The following ABLIM3 variants were observed in gnomAD, a reference collection of about 807,000 sequenced individuals.
The protein encoded by ABLIM3 is actin-binding LIM protein 3.
In ABLIM3, 61 loss-of-function variants were observed where a neutral mutation model predicts 109.5. That is an observed-to-expected ratio of 0.56 (90% CI 0.45 to 0.69). The LOEUF (loss-of-function observed/expected upper bound fraction) is 0.69. Among genes scored for constraint, ABLIM3 ranks in the 30% least tolerant of loss-of-function variants. ABLIM3 has a pLI of 0.00. For missense variants in ABLIM3, 796 were observed against 889.5 expected, an observed-to-expected ratio of 0.89 and a Z score of 1.34; for synonymous variants, 300 against 324.8, an observed-to-expected ratio of 0.92 and a Z score of 0.82.
chr5:149,247,683 T>C (rs1417539856), intron 17 of ABLIM3, 99 bp from the exon 18 acceptor site: 1 of 1,480,450 alleles, frequency 6.8e-7, no homozygotes, highest in Non-Finnish European at 9.4e-7. Context: ...GAGAGCAGGC[T>C]GCTATGGAGG....
intron 2 of ABLIM3, among the ~76,000 whole-genome samples, chr5:149,166,922 C>G (rs1754892028): frequency 6.6e-6 from 1 of 152,174 alleles, no homozygotes. Context: ...AGAATTGTCC[C>G]TGAGCCATAG....
At chr5:149,170,043 C>A (rs1755229248) in intron 2 of ABLIM3, among the ~76,000 whole-genome samples, 1 of 152,072 alleles carries the variant, frequency 6.6e-6, no homozygotes, top group African/African-American at 2.4e-5. Context: ...AAATTTGCGT[C>A]ATGGGGGTTC....
At chr5:149,173,879 G>A (rs937346429) in intron 2 of ABLIM3, among the ~76,000 whole-genome samples, 18 of 152,084 alleles carry the variant, frequency 1.2e-4, no homozygotes, top group Non-Finnish European at 1.9e-4. Flanking sequence ...AAAATTAGCC[G>A]GACGTCGTGG....
chr5:149,223,133 T>TA lies in ABLIM3; in HGVS notation c.757+6088dup, dbSNP rs553056829. On this transcript the variant is annotated intron_variant, in intron 8 of 23. Coordinates refer to ENST00000309868, the MANE Select transcript of ABLIM3 (RefSeq NM_014945.5). The stretch of plus-strand genomic sequence containing the variant: ...TTTGGCGAGCTGCCATTTTTTTTTT[T>TA]ATTTAGATTTTAAGGGTTACCAAGC... 3.0e-3 allele frequency among the ~76,000 whole-genome samples: 453 copies of TA among 151,912 alleles called. 7 individuals carry two copies. Among genetic ancestry groups the TA allele is most frequent in the Non-Finnish European group, 3.8e-3 (255 of 67,996 alleles).
At chr5:149,147,162 G>A (rs1580976438) in intron 2 of ABLIM3, among the ~76,000 whole-genome samples, 1 of 151,582 alleles carries the variant, frequency 6.6e-6, no homozygotes, top group East Asian at 1.9e-4. Context: ...ATGGGATTAT[G>A]TTCTTGATTT....
intron 3 of ABLIM3, among the ~76,000 whole-genome samples, chr5:149,189,326 C>T (rs1192525917): frequency 1.3e-5 from 2 of 152,012 alleles, no homozygotes. Flanking sequence ...ACACCAAAAG[C>T]TCAAGCAACA....
intron 2 of ABLIM3, among the ~76,000 whole-genome samples, chr5:149,179,128 G>C (rs1756237390): frequency 6.6e-6 from 1 of 152,070 alleles, no homozygotes; most frequent in Non-Finnish European, 1.5e-5. Flanking sequence ...ATGTTGTTTT[G>C]CTCCAACAAC....
chr5:149,143,467 C>G (rs1752667901), intron 2 of ABLIM3, among the ~76,000 whole-genome samples: 1 of 151,796 alleles, frequency 6.6e-6, no homozygotes, highest in Non-Finnish European at 1.5e-5. Flanking sequence ...ACTATCAAGA[C>G]CTTATTGAAG....
intron 23 of ABLIM3, among the ~76,000 whole-genome samples, chr5:149,257,650 CT>C (rs1754553325): frequency 6.6e-6 from 1 of 152,130 alleles, no homozygotes; most frequent in South Asian, 2.1e-4. Flanking sequence ...ATGTATCACA[CT>C]TTTAAAGCTG....
At chr5:149,182,207 T>C (rs1756528852) in intron 2 of ABLIM3, among the ~76,000 whole-genome samples, 1 of 152,242 alleles carries the variant, frequency 6.6e-6, no homozygotes, top group South Asian at 2.1e-4. Context: ...GATTAATTTA[T>C]GATATACTTA....
chr5:149,200,881 T>C (rs909147194), intron 5 of ABLIM3, among the ~76,000 whole-genome samples: 8 of 152,168 alleles, frequency 5.3e-5, no homozygotes, highest in African/African-American at 1.7e-4. Context: ...GAGTGTTCCA[T>C]AGACCACTGC....
At chr5:149,156,483 C>A (rs1382902078) in intron 2 of ABLIM3, among the ~76,000 whole-genome samples, 2 of 152,164 alleles carry the variant, frequency 1.3e-5, no homozygotes, top group Non-Finnish European at 2.9e-5. Flanking sequence ...TTTGGGAAAA[C>A]CCCTTTTAAA....
chr5:149,200,106 T>C (rs1758353772), intron 4 of ABLIM3, among the ~76,000 whole-genome samples: 1 of 152,220 alleles, frequency 6.6e-6, no homozygotes, highest in Non-Finnish European at 1.5e-5. Context: ...GCCCAAAATA[T>C]ACAAACAGCC....
Position 149,242,489 on chromosome 5 carries a change from A to C in ABLIM3, c.1304-2A>C. On this transcript the variant is annotated splice_acceptor_variant, in intron 14 of 23. Transcript: ENST00000309868. LOFTEE classifies it high-confidence loss of function. Reference sequence around the variant, plus strand: ...ACTGTCCCTTCCTGGTCTGTCTGGCAGCTGGAGACAGTAACATCTACCGGA... The same window carrying C: ...ACTGTCCCTTCCTGGTCTGTCTGGCCGCTGGAGACAGTAACATCTACCGGA... 6.2e-7 allele frequency: 1 copy of C among 1,613,934 alleles called. No individual in the cohort carries two copies. The highest frequency in any genetic ancestry group is 8.5e-7 in the Non-Finnish European group (1 of 1,179,978).
rs1329783716 is a variant in ABLIM3 at position 149,197,893 on chromosome 5, A to G, written c.152-326A>G. 3.9e-5 allele frequency among the ~76,000 whole-genome samples: 6 copies of G among 152,296 alleles called. No individual in the cohort carries two copies. In the East Asian group the frequency reaches 1.2e-3, roughly 29 times the overall value. On this transcript the variant is annotated intron_variant, in intron 3 of 23. Transcript: ENST00000309868. ...GTGAGGGAATGCTGTTCAAATGCAG[A>G]TGCCCAGGCCTCAGTCCCATGGAGT... is the stretch of plus-strand genomic sequence containing the variant.
chr5:149,188,281 A>C (rs1475623841), intron 3 of ABLIM3, among the ~76,000 whole-genome samples: 1 of 152,202 alleles, frequency 6.6e-6, no homozygotes, highest in Non-Finnish European at 1.5e-5. Flanking sequence ...GGAATACTAA[A>C]AAATTATTAG....
chr5:149,235,169 T>C (rs1301269689), intron 10 of ABLIM3, among the ~76,000 whole-genome samples: 5 of 152,196 alleles, frequency 3.3e-5, no homozygotes, highest in African/African-American at 1.2e-4. Flanking sequence ...CAGCTGCTCC[T>C]GGGAATGACT....
intron 2 of ABLIM3, among the ~76,000 whole-genome samples, chr5:149,171,129 T>C (rs534628511): frequency 4.6e-5 from 7 of 152,348 alleles, no homozygotes. Flanking sequence ...TAGTCAGTCA[T>C]TTATTTGAAA....
intron 23 of ABLIM3, among the ~76,000 whole-genome samples, chr5:149,255,603 G>A (rs551140244): frequency 6.6e-6 from 1 of 152,306 alleles, no homozygotes; most frequent in African/African-American, 2.4e-5. Context: ...GCAAAGACTC[G>A]AAGTAGTTGA....
Sources: gnomAD v4.1 joint callset for allele counts (sites outside exome capture counted in the v4.1 genomes callset) on GRCh38, gnomAD v4.1.1 for gene constraint, MANE v1.5 for transcripts, NCBI Gene and HGNC (gene_info 2026-07-23, HGNC 2026-07-21) for gene names.